The following USP39 variants were observed in gnomAD, a reference collection of about 807,000 sequenced individuals.
USP39 encodes ubiquitin carboxyl-terminal hydrolase 39.
USP39 carries 38 observed loss-of-function variants against 66.4 expected under a neutral mutation model. That is an observed-to-expected ratio of 0.57 (90% CI 0.44 to 0.75). The LOEUF is 0.75. USP39 is among the 30% of genes least tolerant of loss of function. USP39 has a pLI of 0.00. For synonymous variants in USP39, 303 were observed against 274.6 expected, an observed-to-expected ratio of 1.10 and a Z score of -1.02; for missense variants, 608 against 714.4, an observed-to-expected ratio of 0.85 and a Z score of 1.70.
upstream of USP39, chr2:85,611,658 G>A (rs777079769): frequency 6.4e-6 from 10 of 1,559,442 alleles, no homozygotes; most frequent in East Asian, 2.4e-5. Context: ...GGCGGGGCGG[G>A]CGGCCTCACC....
At chr2:85,609,199 G>A (rs181444910), upstream of USP39, 3 of 1,341,426 alleles carry the variant, frequency 2.2e-6, no homozygotes, top group Non-Finnish European at 3.0e-6. Context: ...TTTCCTATGT[G>A]TCTCCTGTAA....
At chr2:85,607,153 C>A (rs1470885429), upstream of USP39, 1 of 152,140 alleles carries the variant, frequency 6.6e-6, no homozygotes, top group Non-Finnish European at 1.5e-5. Flanking sequence ...ACAGGTGATC[C>A]AGCTGTGCGA....
chr2:85,618,776 CT>C (rs1244248195), intron 1 of USP39, among the ~76,000 whole-genome samples: 20 of 146,292 alleles, frequency 1.4e-4, no homozygotes, highest in Middle Eastern at 3.6e-3. Flanking sequence ...TTTTTCTTTT[CT>C]TTTTTTTTTG....
At chr2:85,636,258 A>G (rs1675763248) in intron 7 of USP39, 128 bp downstream of exon 7, 1 of 835,812 alleles carries the variant, frequency 1.2e-6, no homozygotes, top group South Asian at 1.7e-5. Context: ...ACCTGAGGTC[A>G]GGAGTTTGAG....
chr2:85,643,451 G>C (rs929824018), intron 10 of USP39, among the ~76,000 whole-genome samples: 1 of 151,198 alleles, frequency 6.6e-6, no homozygotes, highest in Non-Finnish European at 1.5e-5. Context: ...GATAGCTAGC[G>C]CCATTGCACT....
chr2:85,611,517 G>T, upstream of USP39: 2 of 1,551,020 alleles, frequency 1.3e-6, no homozygotes, highest in Non-Finnish European at 1.7e-6. Flanking sequence ...GAATCATTCA[G>T]CGGAGATTTG....
chr2:85,622,189 T>G (rs1178425936), intron 3 of USP39, among the ~76,000 whole-genome samples: 1 of 151,614 alleles, frequency 6.6e-6, no homozygotes, highest in Non-Finnish European at 1.5e-5. Flanking sequence ...GACGTGATCT[T>G]GGCTCACTGC....
chr2:85,641,962 AT>A (rs1676266980), intron 10 of USP39, among the ~76,000 whole-genome samples: 1 of 151,676 alleles, frequency 6.6e-6, no homozygotes, highest in African/African-American at 2.4e-5. Context: ...TCAGTTTTAA[AT>A]TCCATGTAGT....
At chr2:85,604,737 C>T (rs1408411913) in intron 1 of USP39, among the ~76,000 whole-genome samples, 2 of 152,264 alleles carry the variant, frequency 1.3e-5, no homozygotes, top group Non-Finnish European at 2.9e-5. Context: ...ACTGCGTAGG[C>T]ACCTTATCTG....
At position 85,639,194 on chromosome 2, in the gene USP39, C is replaced by A; in HGVS notation, c.1096-9C>A. 1 of 1,608,424 alleles carries A rather than the reference C, an allele frequency of 6.2e-7. No homozygotes were observed. Among genetic ancestry groups the A allele is most frequent in the Non-Finnish European group, 8.5e-7 (1 of 1,176,572 alleles). On this transcript the variant is annotated splice_polypyrimidine_tract_variant and intron_variant, in intron 8 of 12. Transcript: ENST00000323701. The stretch of plus-strand genomic sequence containing the variant: ...TCCTTTCCTCTCTTTTCTTCTCATT[C>A]ATTTCTAGCCAGCAGAAGAAAAAGA...
At chr2:85,631,460 A>G (rs1675328331) in intron 6 of USP39, among the ~76,000 whole-genome samples, 1 of 151,790 alleles carries the variant, frequency 6.6e-6, no homozygotes, top group South Asian at 2.1e-4. Flanking sequence ...GATTACAGGC[A>G]TGAGCCACTG....
chr2:85,621,637 TTTA>T, intron 3 of USP39, 58 bp downstream of exon 3: 18 of 1,355,236 alleles, frequency 1.3e-5, no homozygotes, highest in Non-Finnish European at 1.6e-5. Context: ...TTTTTTTTTT[TTTA>T]AAGAAAGTAA....
chr2:85,609,096 G>GAA, upstream of USP39: 2 of 1,610,336 alleles, frequency 1.2e-6, no homozygotes, highest in Non-Finnish European at 1.7e-6. Context: ...AGAAGGCTCA[G>GAA]GGCCTGGCCT....
intron 6 of USP39, among the ~76,000 whole-genome samples, chr2:85,632,038 G>A (rs1472954214): frequency 1.3e-5 from 2 of 152,072 alleles, no homozygotes; most frequent in Non-Finnish European, 2.9e-5. Flanking sequence ...CACTGCGCCC[G>A]GCCTCTGATG....
chr2:85,619,346 G>A, intron 2 of USP39, 57 bp downstream of exon 2: 1 of 1,574,054 alleles, frequency 6.4e-7, no homozygotes, highest in African/African-American at 1.3e-5. Context: ...TGTGCAGAAA[G>A]TTTTTGGACT....
intron 3 of USP39, 31 bp downstream of exon 3, chr2:85,621,610 C>G (rs201364857): frequency 5.2e-6 from 8 of 1,547,464 alleles, no homozygotes; most frequent in African/African-American, 1.5e-5. Context: ...AACTGCAGAT[C>G]TGCTCCAGAG....
Position 85,619,251 on chromosome 2 carries a change from G to C in USP39, c.300G>C (p.Arg100=), listed in dbSNP as rs750066293. 100 of 1,613,572 alleles carry C rather than the reference G, an allele frequency of 6.2e-5. No individual in the cohort carries two copies. Among genetic ancestry groups the C allele is most frequent in the Non-Finnish European group, 8.1e-5 (96 of 1,179,938 alleles). ...AKNGRVDSED[R]RSRHCPYLDT... ...ATGGCCGAGTGGATTCTGAGGACCG[G>C]AGGAGCCGCCACTGCCCGTACCTGG... The change falls in exon 2 of 13, where the codon CGG becomes CGC. Residue 100 remains arginine (R), a synonymous_variant. Coordinates refer to ENST00000323701, the MANE Select transcript of USP39 (RefSeq NM_006590.4).
chr2:85,625,771 C>T (rs1236102946), intron 5 of USP39, 80 bp downstream of exon 5: 6 of 1,536,454 alleles, frequency 3.9e-6, no homozygotes, highest in Admixed American at 1.9e-5. Context: ...GTAATCCCAG[C>T]ACTTTGGGAG....
At chr2:85,606,645 A>C (rs1039299080) in intron 1 of USP39, 1 of 152,228 alleles carries the variant, frequency 6.6e-6, no homozygotes, top group Non-Finnish European at 1.5e-5. Flanking sequence ...ATGCACTTGA[A>C]AAGCAAAATT....
Sources: gnomAD v4.1 joint callset for allele counts (sites outside exome capture counted in the v4.1 genomes callset) on GRCh38, gnomAD v4.1.1 for gene constraint, MANE v1.5 for transcripts, NCBI Gene and HGNC (gene_info 2026-07-23, HGNC 2026-07-21) for gene names.